The following FYB1 variants were observed in gnomAD, a reference collection of about 807,000 sequenced individuals.
FYB1 encodes FYN-binding protein 1.
In FYB1, 41 loss-of-function variants were observed where a neutral mutation model predicts 94.1. The observed-to-expected ratio is 0.44, with a 90% CI of 0.34 to 0.57. The LOEUF (loss-of-function observed/expected upper bound fraction) is 0.57, where lower values mean the gene tolerates loss of function less well. Among genes scored for constraint, FYB1 ranks in the 20% least tolerant of loss-of-function variants. The pLI, the probability that FYB1 is intolerant of heterozygous loss-of-function variation, is 0.02. For missense variants in FYB1, 1,050 were observed against 976.8 expected (o/e 1.07, Z -1.00); for synonymous variants, 367 against 353.2 (o/e 1.04, Z -0.44).
In FYB1 at chr5:39,123,726, G is replaced by A. The variant is rs1381748153; in HGVS notation, c.2071+527C>T. Among the ~76,000 whole-genome samples the A allele has an allele frequency of 7.2e-5, 11 of 152,080 alleles. No homozygotes were observed. In the East Asian group the frequency reaches 7.7e-4, roughly 11 times the overall value. On this transcript the variant is annotated intron_variant, in intron 13 of 18. Transcript: ENST00000512982. ...TATTCTTAAGACAACATTTTATTTCGTTCAAAGTAAATTTTAAAAACATCT... is the reference window on the plus strand; with the variant it reads ...TATTCTTAAGACAACATTTTATTTCATTCAAAGTAAATTTTAAAAACATCT...
chr5:39,189,425 C>T (rs1018435196), intron 2 of FYB1, among the ~76,000 whole-genome samples: 2 of 152,122 alleles, frequency 1.3e-5, no homozygotes, highest in Non-Finnish European at 2.9e-5. Flanking sequence ...CTATCAATAG[C>T]AACAGAAAAT....
intron 15 of FYB1, 115 bp from the exon 16 acceptor site, chr5:39,119,151 G>A (rs547368936): frequency 8.7e-4 from 444 of 512,796 alleles, no homozygotes; most frequent in Middle Eastern, 2.7e-3. Context: ...CAGTGTTTTC[G>A]AAATATAATG....
intron 2 of FYB1, among the ~76,000 whole-genome samples, chr5:39,200,357 C>A (rs573574108): frequency 1.8e-4 from 28 of 152,306 alleles, no homozygotes; most frequent in Non-Finnish European, 3.4e-4. Context: ...ACCACCCACA[C>A]TGGAGCGGGA....
chr5:39,252,462 A>G (rs1049808560), intron 1 of FYB1, among the ~76,000 whole-genome samples: 6 of 152,228 alleles, frequency 3.9e-5, no homozygotes, highest in African/African-American at 1.2e-4. Context: ...TTTTGATCAC[A>G]CACACAAACA....
At chr5:39,265,362 C>T (rs532980585) in intron 1 of FYB1, among the ~76,000 whole-genome samples, 13 of 152,066 alleles carry the variant, frequency 8.5e-5, no homozygotes, top group Admixed American at 1.3e-4. Context: ...CGGGCGCTTA[C>T]AGTCCCAGCT....
chr5:39,202,090 C>A lies in FYB1; in HGVS notation c.871G>T (p.Ala291Ser), dbSNP rs1748379597. ...ATTTTGCTCTGGAAGGTGTTCTTAG[C>A]AGCATCTATCTTCCTATCTTCCTTT... ...EKKEDRKIDA[A>S]KNTFQSKINQ... is the part of the protein sequence containing the mutation. Residue 291 changes from alanine to serine, a missense_variant, in exon 2 of 19, where the codon GCT (alanine) becomes TCT (serine). Physicochemically the swap from Ala to Ser is moderately conservative, Grantham distance 99. Transcript: ENST00000512982. The A allele has an allele frequency of 6.2e-7, 1 of 1,613,920 alleles. No homozygotes were observed. The highest frequency in any genetic ancestry group is 1.3e-5 in the African/African-American group (1 of 74,938).
intron 2 of FYB1, among the ~76,000 whole-genome samples, chr5:39,178,155 G>A (rs1301472418): frequency 2.0e-5 from 3 of 152,296 alleles, no homozygotes; most frequent in Middle Eastern, 3.4e-3. Flanking sequence ...AATATGATTT[G>A]GAAATTGCTG....
intron 1 of FYB1, among the ~76,000 whole-genome samples, chr5:39,214,371 C>G (rs1467512797): frequency 2.0e-5 from 3 of 152,118 alleles, no homozygotes; most frequent in Admixed American, 2.0e-4. Context: ...CCAAATGATC[C>G]AACAATTCCA....
At chr5:39,263,744 G>A (rs1387529445) in intron 1 of FYB1, among the ~76,000 whole-genome samples, 2 of 152,104 alleles carry the variant, frequency 1.3e-5, no homozygotes, top group Non-Finnish European at 2.9e-5. Context: ...TTCTAACTTG[G>A]ATGTAGTCAA....
chr5:39,122,564 G>T (rs1238687380), intron 13 of FYB1, among the ~76,000 whole-genome samples, 162 bp from the exon 14 acceptor site: 3 of 152,032 alleles, frequency 2.0e-5, no homozygotes, highest in Non-Finnish European at 4.4e-5. Context: ...GCTTCTGAAA[G>T]GGGAGAGGTT....
At chr5:39,272,690 AAAG>A (rs1340072750) in intron 1 of FYB1, among the ~76,000 whole-genome samples, 32 of 151,584 alleles carry the variant, frequency 2.1e-4, no homozygotes, top group African/African-American at 7.7e-4. Flanking sequence ...AAAAAAAAAA[AAAG>A]AATTACTTAA....
chr5:39,263,602 C>T (rs186500585), intron 1 of FYB1, among the ~76,000 whole-genome samples: 19 of 152,126 alleles, frequency 1.2e-4, no homozygotes, highest in Non-Finnish European at 1.9e-4. Flanking sequence ...TCACAGGGAA[C>T]CTTCTAGCTC....
rs1747135967 is a variant in FYB1 at position 39,189,216 on chromosome 5, A to G, written c.1135+12610T>C. ...TTTCAAATCCTAGGTCTGGCAGAAG[A>G]ACGCCTTTTATGGAATTCCTTTTTT... On this transcript the variant is annotated intron_variant, in intron 2 of 18. Transcript: ENST00000512982. Among the ~76,000 whole-genome samples the G allele has an allele frequency of 1.4e-5, 2 of 143,402 alleles. 1 individual carries two copies. Among genetic ancestry groups the G allele is most frequent in the Admixed American group, 1.5e-4 (2 of 13,394 alleles). 94.1% of individuals were successfully genotyped at this position (143,402 alleles called of 152,430 possible).
At position 39,126,039 on chromosome 5, in the gene FYB1, C is replaced by T. The variant is rs1740630622; in HGVS notation, c.2004G>A (p.Glu668=). 1.9e-6 allele frequency: 3 copies of T among 1,613,416 alleles called. No homozygotes were observed. In the African/African-American group the frequency reaches 4.0e-5, roughly 22 times the overall value. ...GKDDRKKSIR[E]KPKVSDSDNN... ...TGTCTGAGTCAGAGACTTTAGGTTT[C>T]TCTCGTATACTTTTCTTTCTGTCAT... is the stretch of plus-strand genomic sequence containing the variant. The change falls in exon 12 of 19, where the codon GAG becomes GAA. Residue 668 remains glutamate (E), a synonymous_variant. Transcript: ENST00000512982.
chr5:39,216,225 G>A (rs1377354257), intron 1 of FYB1, among the ~76,000 whole-genome samples: 1 of 152,056 alleles, frequency 6.6e-6, no homozygotes, highest in East Asian at 1.9e-4. Context: ...AATAATACAC[G>A]CCCTTACAAA....
chr5:39,173,823 T>C (rs1476635831), intron 2 of FYB1, among the ~76,000 whole-genome samples: 1 of 152,174 alleles, frequency 6.6e-6, no homozygotes, highest in Admixed American at 6.5e-5. Flanking sequence ...TGTACCAGTA[T>C]CATGCTCTTT....
At chr5:39,221,293 A>G (rs1400872497), upstream of FYB1, among the ~76,000 whole-genome samples, 1 of 152,192 alleles carries the variant, frequency 6.6e-6, no homozygotes, top group East Asian at 1.9e-4. Context: ...TGACAGAGCC[A>G]GGAGATAGAA....
chr5:39,225,754 C>T (rs553719501), intron 1 of FYB1, among the ~76,000 whole-genome samples: 3 of 152,192 alleles, frequency 2.0e-5, no homozygotes, highest in Non-Finnish European at 2.9e-5. Flanking sequence ...GTCTTGAACA[C>T]TCCTCCTGAG....
At chr5:39,225,994 G>T (rs1351904100) in intron 1 of FYB1, among the ~76,000 whole-genome samples, 1 of 152,120 alleles carries the variant, frequency 6.6e-6, no homozygotes, top group South Asian at 2.1e-4. Context: ...TGCCCCAGCT[G>T]CAGGCCTCTC....
Sources: gnomAD v4.1 joint callset for allele counts (sites outside exome capture counted in the v4.1 genomes callset) on GRCh38, gnomAD v4.1.1 for gene constraint, MANE v1.5 for transcripts, NCBI Gene and HGNC (gene_info 2026-07-23, HGNC 2026-07-21) for gene names.